Variants in AGBL4 observed in about 807,000 individuals in gnomAD.
AGBL4 encodes cytosolic carboxypeptidase 6.
AGBL4 carries 58 observed loss-of-function variants against 66.4 expected under a neutral mutation model. The observed-to-expected ratio is 0.87, with a 90% CI of 0.71 to 1.09. AGBL4 has a LOEUF of 1.09. Ranked by LOEUF, AGBL4 falls within the 50% of genes least tolerant of loss-of-function variation. The pLI is 0.00. For missense variants in AGBL4, 579 were observed against 631.0 expected, an observed-to-expected ratio of 0.92 and a Z score of 0.88; for synonymous variants, 234 against 222.9, an observed-to-expected ratio of 1.05 and a Z score of -0.44.
intron 3 of AGBL4, among the ~76,000 whole-genome samples, chr1:49,350,430 C>A (rs972957694): frequency 4.6e-5 from 7 of 152,030 alleles, no homozygotes; most frequent in African/African-American, 1.7e-4. Flanking sequence ...GTCTCGATCT[C>A]CTGACCTCGT....
At chr1:49,283,462 C>G (rs1052025456) in intron 3 of AGBL4, among the ~76,000 whole-genome samples, 2 of 152,222 alleles carry the variant, frequency 1.3e-5, no homozygotes, top group Non-Finnish European at 2.9e-5. Context: ...CGCAGAGCGT[C>G]TCTCCTCCTC....
chr1:49,128,377 C>T lies in AGBL4; in HGVS notation c.378-82577G>A, dbSNP rs12057264. Among the ~76,000 whole-genome samples, 321 of 151,958 alleles carry T rather than the reference C, an allele frequency of 2.1e-3. 5 individuals carry two copies. The highest frequency in any genetic ancestry group is 7.2e-3 in the African/African-American group (298 of 41,470). ...TAAATTTACTCTGTAATTTATATAGCAATGCAAAGAAACTAGAATAGCTAC... is the reference window on the plus strand; with the variant it reads ...TAAATTTACTCTGTAATTTATATAGTAATGCAAAGAAACTAGAATAGCTAC... On this transcript the variant is annotated intron_variant, in intron 4 of 13. Coordinates refer to ENST00000371839, the MANE Select transcript of AGBL4 (RefSeq NM_032785.4).
chr1:49,686,386 T>C (rs969915338), intron 3 of AGBL4, among the ~76,000 whole-genome samples: 2 of 152,224 alleles, frequency 1.3e-5, no homozygotes, highest in African/African-American at 4.8e-5. Context: ...ATTGGCCTAG[T>C]TCCAGCCCCT....
intron 2 of AGBL4, among the ~76,000 whole-genome samples, chr1:49,794,456 A>G (rs1452758919): frequency 1.3e-5 from 2 of 151,970 alleles, no homozygotes; most frequent in African/African-American, 2.4e-5. Context: ...ATTTTCAGAG[A>G]GGCAGTAACT....
intron 3 of AGBL4, among the ~76,000 whole-genome samples, chr1:49,644,918 A>C (rs1370038819): frequency 1.3e-5 from 2 of 151,596 alleles, no homozygotes; most frequent in Non-Finnish European, 3.0e-5. Flanking sequence ...ATTCAAATCA[A>C]GAAACATGTT....
chr1:48,743,108 G>A (rs1650181041), intron 6 of AGBL4, among the ~76,000 whole-genome samples: 2 of 152,092 alleles, frequency 1.3e-5, no homozygotes, highest in Non-Finnish European at 2.9e-5. Flanking sequence ...AGAAGGGGTG[G>A]GAATTACTGA....
chr1:49,012,720 G>A (rs1002825953), intron 5 of AGBL4, among the ~76,000 whole-genome samples: 1 of 152,122 alleles, frequency 6.6e-6, no homozygotes, highest in Non-Finnish European at 1.5e-5. Flanking sequence ...CAGTTCCAAA[G>A]CAAACTCCTG....
chr1:49,589,263 C>A (rs1002334578), intron 3 of AGBL4, among the ~76,000 whole-genome samples: 1 of 152,048 alleles, frequency 6.6e-6, no homozygotes, highest in Admixed American at 6.6e-5. Flanking sequence ...CCCTAAGCAT[C>A]CAGGTATGAA....
intron 10 of AGBL4, among the ~76,000 whole-genome samples, 155 bp from the exon 11 acceptor site, chr1:48,587,321 A>G (rs746720620): frequency 6.6e-6 from 1 of 152,192 alleles, no homozygotes; most frequent in Non-Finnish European, 1.5e-5. Context: ...TGATTAAATA[A>G]ACATAATTAA....
At chr1:49,798,469 T>G (rs1644782461) in intron 2 of AGBL4, among the ~76,000 whole-genome samples, 1 of 152,222 alleles carries the variant, frequency 6.6e-6, no homozygotes, top group African/African-American at 2.4e-5. Flanking sequence ...GTGGTATACA[T>G]CTTTAATAAA....
chr1:48,834,222 G>A (rs1646624899), intron 6 of AGBL4, among the ~76,000 whole-genome samples: 1 of 152,134 alleles, frequency 6.6e-6, no homozygotes, highest in Non-Finnish European at 1.5e-5. Flanking sequence ...TTTGCCTAAG[G>A]ATAAATTGTA....
intron 4 of AGBL4, among the ~76,000 whole-genome samples, chr1:49,155,380 T>A (rs1646411432): frequency 6.6e-6 from 1 of 152,190 alleles, no homozygotes; most frequent in South Asian, 2.1e-4. Context: ...GCATTTACTA[T>A]GTGCCAGGCA....
chr1:49,007,024 G>A (rs1661901497), intron 5 of AGBL4, among the ~76,000 whole-genome samples: 1 of 102,688 alleles, frequency 9.7e-6, no homozygotes, highest in Non-Finnish European at 2.5e-5. Context: ...AAAGCTGGAT[G>A]GAGAACGACT....
intron 6 of AGBL4, among the ~76,000 whole-genome samples, chr1:48,710,663 C>T (rs932910336): frequency 1.4e-4 from 22 of 152,204 alleles, no homozygotes; most frequent in Non-Finnish European, 2.8e-4. Context: ...TCCATCCCTG[C>T]TCCCCTCTGT....
At chr1:49,003,259 G>A (rs541118127) in intron 5 of AGBL4, among the ~76,000 whole-genome samples, 13 of 152,152 alleles carry the variant, frequency 8.5e-5, no homozygotes, top group African/African-American at 2.4e-4. Context: ...TTAGCTGGGC[G>A]TGGTGGCACA....
chr1:49,823,325 AATT>A (rs1363606018), intron 2 of AGBL4, among the ~76,000 whole-genome samples: 1 of 152,144 alleles, frequency 6.6e-6, no homozygotes, highest in African/African-American at 2.4e-5. Context: ...GGGCTGGAAA[AATT>A]ATTATGTCAT....
chr1:48,766,026 C>G (rs1013991448), intron 6 of AGBL4, among the ~76,000 whole-genome samples: 1 of 151,994 alleles, frequency 6.6e-6, no homozygotes, highest in Non-Finnish European at 1.5e-5. Flanking sequence ...AGGAATATAC[C>G]AAAAAACACT....
At chr1:49,520,206 T>C (rs981321485) in intron 3 of AGBL4, among the ~76,000 whole-genome samples, 7 of 152,068 alleles carry the variant, frequency 4.6e-5, no homozygotes, top group Non-Finnish European at 8.8e-5. Context: ...AACTTCCTCC[T>C]CTGGTTATGC....
At chr1:48,856,769 G>C (rs562007715) in intron 6 of AGBL4, among the ~76,000 whole-genome samples, 175 of 152,234 alleles carry the variant, frequency 1.1e-3, no homozygotes, top group African/African-American at 4.1e-3. Flanking sequence ...ACCTAGCTGT[G>C]ATTTTTTTCT....
Sources: allele counts gnomAD v4.1 joint callset (sites outside exome capture counted in the v4.1 genomes callset), GRCh38; gene constraint gnomAD v4.1.1; transcripts MANE v1.5; gene names NCBI Gene and HGNC (gene_info 2026-07-23, HGNC 2026-07-21).